Variants in GPN1 observed in about 807,000 individuals in gnomAD.
The protein encoded by GPN1 is GPN-loop GTPase 1.
A neutral mutation model predicts 55.9 loss-of-function variants in GPN1; 44 were observed. The observed-to-expected ratio is 0.79, with a 90% CI of 0.62 to 1.01. The LOEUF (loss-of-function observed/expected upper bound fraction) is 1.01. Ranked by LOEUF, GPN1 falls within the 50% of genes least tolerant of loss-of-function variation. The pLI, the probability that GPN1 is intolerant of heterozygous loss-of-function variation, is 0.00. For synonymous variants in GPN1, 179 were observed against 162.5 expected, an observed-to-expected ratio of 1.10 and a Z score of -0.77; for missense variants, 466 against 462.8, an observed-to-expected ratio of 1.01 and a Z score of -0.06.
chr2:27,647,590 T>C (rs985171668), intron 12 of GPN1, among the ~76,000 whole-genome samples: 2 of 152,212 alleles, frequency 1.3e-5, no homozygotes, highest in South Asian at 4.1e-4. Flanking sequence ...ACAAGCTTCT[T>C]GAAAATTATT....
intron 8 of GPN1, 145 bp downstream of exon 8, chr2:27,638,400 A>G: frequency 1.7e-6 from 1 of 595,294 alleles, no homozygotes; most frequent in South Asian, 2.1e-5. Context: ...CTTCGAGAAA[A>G]TGAATCAATC....
intron 7 of GPN1, among the ~76,000 whole-genome samples, chr2:27,635,731 T>A (rs1261031074): frequency 1.3e-5 from 2 of 152,014 alleles, no homozygotes; most frequent in African/African-American, 2.4e-5. Context: ...GTGGGAGGAT[T>A]GCTTGAGCTC....
At chr2:27,641,018 C>T (rs575856508) in intron 10 of GPN1, among the ~76,000 whole-genome samples, 40 of 152,296 alleles carry the variant, frequency 2.6e-4, no homozygotes, top group African/African-American at 9.4e-4. Context: ...TCCAGCCCAG[C>T]AGTCAGGATT....
At chr2:27,636,616 T>A (rs1458822329) in intron 7 of GPN1, among the ~76,000 whole-genome samples, 1 of 152,088 alleles carries the variant, frequency 6.6e-6, no homozygotes, top group African/African-American at 2.4e-5. Context: ...TGCCTCAGCT[T>A]CCTGAGTAGT....
chr2:27,635,886 G>T (rs1314443814), intron 7 of GPN1, among the ~76,000 whole-genome samples: 3 of 152,092 alleles, frequency 2.0e-5, no homozygotes, highest in Non-Finnish European at 4.4e-5. Flanking sequence ...AACATGAGGA[G>T]ATACCATGAA....
At chr2:27,647,303 T>G (rs1463205194) in intron 12 of GPN1, among the ~76,000 whole-genome samples, 1 of 152,248 alleles carries the variant, frequency 6.6e-6, no homozygotes, top group Non-Finnish European at 1.5e-5. Flanking sequence ...TTTTTCTGAA[T>G]AGGGAATTTT....
chr2:27,631,733 TG>T, intron 3 of GPN1, 100 bp from the exon 4 acceptor site: 1 of 782,644 alleles, frequency 1.3e-6, no homozygotes, highest in Non-Finnish European at 2.3e-6. Context: ...TATCCATTAA[TG>T]GAACACTAAT....
upstream of GPN1, chr2:27,628,647 C>G (rs2148058388): frequency 1.3e-6 from 2 of 1,551,540 alleles, no homozygotes; most frequent in Middle Eastern, 1.7e-4. Context: ...CCTCGGCTAC[C>G]GAATAAGCCC....
intron 5 of GPN1, among the ~76,000 whole-genome samples, chr2:27,632,896 G>C (rs1673604379): frequency 1.3e-5 from 2 of 152,144 alleles, no homozygotes; most frequent in South Asian, 4.1e-4. Context: ...TGGCTTCTTA[G>C]GAGCTCTTTT....
intron 12 of GPN1, among the ~76,000 whole-genome samples, chr2:27,645,912 T>C (rs1674204294): frequency 1.3e-5 from 2 of 152,146 alleles, no homozygotes; most frequent in South Asian, 2.1e-4. Context: ...GTATTTTTAG[T>C]GGAGATGAGG....
upstream of GPN1, chr2:27,628,660 G>C (rs1474067791): frequency 6.4e-7 from 1 of 1,551,408 alleles, no homozygotes; most frequent in Non-Finnish European, 8.7e-7. Flanking sequence ...ATAAGCCCGA[G>C]CAGCCGGTCC....
intron 7 of GPN1, 64 bp downstream of exon 7, chr2:27,635,298 C>CTTTT: frequency 1.6e-5 from 7 of 445,272 alleles, no homozygotes; most frequent in South Asian, 6.6e-5. Context: ...CTTCTTCTTC[C>CTTTT]TCTTTTTTTT....
chr2:27,634,504 C>T (rs1024861899), intron 5 of GPN1, among the ~76,000 whole-genome samples: 1 of 152,228 alleles, frequency 6.6e-6, no homozygotes, highest in African/African-American at 2.4e-5. Context: ...CTCTGTTCCA[C>T]ACTCACCCCC....
At chr2:27,642,994 C>CACACACACACACAT (rs1444559015) in intron 12 of GPN1, among the ~76,000 whole-genome samples, 1 of 149,660 alleles carries the variant, frequency 6.7e-6, no homozygotes, top group Non-Finnish European at 1.5e-5. Context: ...CACACACACA[C>CACACACACACACAT]ATACATATGC....
At chr2:27,636,545 A>C (rs1219537447) in intron 7 of GPN1, among the ~76,000 whole-genome samples, 1 of 151,832 alleles carries the variant, frequency 6.6e-6, no homozygotes, top group African/African-American at 2.4e-5. Context: ...CCCAGGCTGG[A>C]GTACAGTGGC....
chr2:27,629,610 GAGAAAACCCACATACGA>G (rs1673449901), intron 1 of GPN1, among the ~76,000 whole-genome samples: 1 of 152,150 alleles, frequency 6.6e-6, no homozygotes, highest in South Asian at 2.1e-4. Context: ...GGAGGAGATA[GAGAAAACCCACATACGA>G]AGAATCAAAA....
chr2:27,650,328 T>C lies in GPN1; in HGVS notation c.*128T>C, dbSNP rs1328681347. ...ATTTTCCTCAGAGTAGCAAAGTTTC[T>C]CTTATTAGAGAAATCTTGTGACTCA... On this transcript the variant is annotated 3_prime_UTR_variant, in exon 14 of 14. Coordinates refer to ENST00000610189, the MANE Select transcript of GPN1 (RefSeq NM_007266.4). 3.6e-6 allele frequency: 2 copies of C among 549,032 alleles called. No homozygotes were observed. The highest frequency in any genetic ancestry group is 6.6e-6 in the Non-Finnish European group (2 of 305,246). The allele number at this position is 549,032 out of a possible 1,614,324, so 34.0% of individuals were successfully genotyped here. A position where few individuals can be genotyped will look rare whatever the true frequency, so the allele number is the denominator to read the frequency against.
At chr2:27,630,544 T>C (rs1673505545) in intron 2 of GPN1, among the ~76,000 whole-genome samples, 1 of 151,898 alleles carries the variant, frequency 6.6e-6, no homozygotes, top group East Asian at 1.9e-4. Flanking sequence ...TTTGTTTTGT[T>C]TGGAGAGACA....
chr2:27,648,290 C>T (rs1674343040), intron 13 of GPN1, among the ~76,000 whole-genome samples: 1 of 152,044 alleles, frequency 6.6e-6, no homozygotes, highest in Admixed American at 6.5e-5. Flanking sequence ...GAGGCCAAGT[C>T]AGGAGGATTG....
Sources: allele counts gnomAD v4.1 joint callset (sites outside exome capture counted in the v4.1 genomes callset), GRCh38; gene constraint gnomAD v4.1.1; transcripts MANE v1.5; gene names NCBI Gene and HGNC (gene_info 2026-07-23, HGNC 2026-07-21).